The following TEX11 variants were observed in gnomAD, a reference collection of about 807,000 sequenced individuals.
TEX11 encodes the protein testis expressed 11, also known as testis-expressed protein 11.
TEX11 carries 7 observed loss-of-function variants against 84.4 expected under a neutral mutation model. That is an observed-to-expected ratio of 0.08 (90% CI 0.05 to 0.16). The LOEUF (loss-of-function observed/expected upper bound fraction) is 0.16, where lower values mean the gene tolerates loss of function less well. Among genes scored for constraint, TEX11 ranks in the 10% least tolerant of loss-of-function variants. The pLI is 1.00. For missense variants in TEX11, 551 were observed against 660.5 expected, an observed-to-expected ratio of 0.83 and a Z score of 1.82; for synonymous variants, 264 against 222.8, an observed-to-expected ratio of 1.18 and a Z score of -1.64.
chrX:70,857,681 G>A (rs2147855894), intron 5 of TEX11, among the ~76,000 whole-genome samples: 1 of 112,204 alleles, frequency 8.9e-6, no homozygotes, highest in Non-Finnish European at 1.9e-5. Context: ...GTGCTCCAGT[G>A]CCTGATGGCA....
intron 7 of TEX11, among the ~76,000 whole-genome samples, chrX:70,846,928 A>C (rs1398284255): frequency 2.7e-5 from 3 of 111,049 alleles, no homozygotes; most frequent in African/African-American, 9.8e-5. Flanking sequence ...TGTCTCAAAA[A>C]AAAAGGAAGA....
chrX:70,767,628 T>C (rs146933145), intron 9 of TEX11, among the ~76,000 whole-genome samples: 1 of 111,906 alleles, frequency 8.9e-6, no homozygotes, highest in East Asian at 2.8e-4. Context: ...GCTGGTTATA[T>C]ACCCAGAAGA....
intron 20 of TEX11, among the ~76,000 whole-genome samples, chrX:70,616,249 T>C (rs2089316454): frequency 9.0e-6 from 1 of 111,254 alleles, no homozygotes; most frequent in East Asian, 2.8e-4. Context: ...ATAGACAGTA[T>C]AAGATATAAA....
chrX:70,687,967 G>GA (rs1018585619), intron 13 of TEX11, among the ~76,000 whole-genome samples: 3 of 107,934 alleles, frequency 2.8e-5, no homozygotes, highest in Non-Finnish European at 5.8e-5. Context: ...AAAACAGACT[G>GA]AAAAAAAAAC....
At position 70,793,909 on chromosome X, in the gene TEX11, T is replaced by C. The variant is rs777778139; in HGVS notation, c.692+12796A>G. On this transcript the variant is annotated intron_variant, in intron 9 of 29. Transcript: ENST00000374333. ...TCTTAGAACTAATAAATGACTTCAG[T>C]AAAATTTCAGGATACAAAATAAATG... is the stretch of plus-strand genomic sequence containing the variant. Among the ~76,000 whole-genome samples, 6 of 108,449 alleles carry C rather than the reference T, an allele frequency of 5.5e-5. No individual in the cohort carries two copies. The East Asian group carries it at 1.7e-3, about 31-fold the overall frequency. The allele number at this position is 108,449 out of a possible 115,157, so 94.2% of individuals were successfully genotyped here. A position where few individuals can be genotyped will look rare whatever the true frequency, so the allele number is the denominator to read the frequency against.
At chrX:70,600,621 A>G (rs1423291131) in intron 24 of TEX11, among the ~76,000 whole-genome samples, 1 of 102,517 alleles carries the variant, frequency 9.8e-6, no homozygotes, top group African/African-American at 3.6e-5. Flanking sequence ...TTGGAAGTAA[A>G]GCTCTCCTCA....
chrX:70,535,386 A>G (rs913859783), intron 28 of TEX11, among the ~76,000 whole-genome samples: 4 of 112,067 alleles, frequency 3.6e-5, no homozygotes, highest in Non-Finnish European at 7.5e-5. Context: ...AAGCTGCCAG[A>G]CTTTTTCAAA....
At chrX:70,599,549 T>C (rs1414231082) in intron 24 of TEX11, among the ~76,000 whole-genome samples, 5 of 110,767 alleles carry the variant, frequency 4.5e-5, no homozygotes, top group Non-Finnish European at 9.5e-5. Flanking sequence ...CTTTAAGTTT[T>C]AGGGTACATG....
In TEX11 at chrX:70,809,662, T is replaced by A. The variant is rs758579878; in HGVS notation, c.607-2872A>T. ...CGTGAGATAAAAATAAGTCCAAAAGTCAGGATGGGTACTGGTGATCTTGGT... is the reference window on the plus strand; with the variant it reads ...CGTGAGATAAAAATAAGTCCAAAAGACAGGATGGGTACTGGTGATCTTGGT... On this transcript the variant is annotated intron_variant, in intron 8 of 29. Coordinates refer to ENST00000374333, the MANE Select transcript of TEX11 (RefSeq NM_031276.3). 2.7e-4 allele frequency among the ~76,000 whole-genome samples: 30 copies of A among 111,395 alleles called. No homozygotes were observed. In the East Asian group the frequency reaches 8.2e-3, roughly 30 times the overall value.
intron 25 of TEX11, among the ~76,000 whole-genome samples, chrX:70,571,480 T>C (rs951524915): frequency 2.5e-4 from 28 of 112,604 alleles, no homozygotes; most frequent in African/African-American, 9.0e-4. Flanking sequence ...AATATATGCA[T>C]TTAAAGCTAT....
chrX:70,812,642 A>T (rs181736203), intron 8 of TEX11, among the ~76,000 whole-genome samples: 1 of 111,473 alleles, frequency 9.0e-6, no homozygotes, highest in Admixed American at 9.6e-5. Flanking sequence ...CCTTCAAAAA[A>T]TTAATGAATC....
intron 15 of TEX11, among the ~76,000 whole-genome samples, chrX:70,678,104 G>T (rs1329824028): frequency 9.0e-6 from 1 of 110,942 alleles, no homozygotes; most frequent in African/African-American, 3.3e-5. Context: ...GAGCCACCAC[G>T]CCCGGCCAAT....
intron 11 of TEX11, among the ~76,000 whole-genome samples, chrX:70,730,206 G>A (rs947145132): frequency 8.9e-6 from 1 of 111,848 alleles, no homozygotes; most frequent in South Asian, 3.7e-4. Context: ...GCAAAAACAT[G>A]CCAAATTGTA....
At chrX:70,546,823 T>C (rs2088132206) in intron 28 of TEX11, among the ~76,000 whole-genome samples, 1 of 110,312 alleles carries the variant, frequency 9.1e-6, no homozygotes, top group South Asian at 3.9e-4. Context: ...AAGTTAAACA[T>C]AGATTTACCT....
chrX:70,659,189 A>G (rs1255358911), intron 16 of TEX11, among the ~76,000 whole-genome samples: 1 of 112,367 alleles, frequency 8.9e-6, no homozygotes, highest in Non-Finnish European at 1.9e-5. Context: ...ACAGTCAACA[A>G]AAGAAAAATC....
intron 7 of TEX11, among the ~76,000 whole-genome samples, chrX:70,847,912 G>A (rs2091487963): frequency 8.9e-6 from 1 of 111,794 alleles, no homozygotes; most frequent in Non-Finnish European, 1.9e-5. Context: ...GGAATGAACA[G>A]GCTTTATTAT....
At chrX:70,677,537 T>C (rs1426761680) in intron 15 of TEX11, among the ~76,000 whole-genome samples, 4 of 112,136 alleles carry the variant, frequency 3.6e-5, no homozygotes, top group Non-Finnish European at 7.5e-5. Flanking sequence ...TTTTAAGTCT[T>C]TTATTCAGTG....
intron 13 of TEX11, among the ~76,000 whole-genome samples, chrX:70,709,016 A>G (rs892777881): frequency 9.0e-6 from 1 of 111,554 alleles, no homozygotes; most frequent in Non-Finnish European, 1.9e-5. Flanking sequence ...CTATTTCAAC[A>G]AAACTTATCT....
intron 5 of TEX11, among the ~76,000 whole-genome samples, 196 bp downstream of exon 5, chrX:70,860,661 C>T (rs189108720): frequency 1.8e-4 from 20 of 111,594 alleles, no homozygotes; most frequent in Admixed American, 7.7e-4. Context: ...ACTGAACCAC[C>T]GTAATTACTA....
Sources: allele counts gnomAD v4.1 joint callset (sites outside exome capture counted in the v4.1 genomes callset), GRCh38; gene constraint gnomAD v4.1.1; transcripts MANE v1.5; gene names NCBI Gene and HGNC (gene_info 2026-07-23, HGNC 2026-07-21).